NECAB1: variants seen among roughly 807,000 people sequenced by gnomAD.
NECAB1 encodes the protein N-terminal EF-hand calcium binding protein 1, also known as N-terminal EF-hand calcium-binding protein 1.
A neutral mutation model predicts 57.5 loss-of-function variants in NECAB1; 29 were observed. That is an observed-to-expected ratio of 0.50 (90% CI 0.38 to 0.69). The LOEUF (loss-of-function observed/expected upper bound fraction) is 0.69. Ranked by LOEUF, NECAB1 falls within the 30% of genes least tolerant of loss-of-function variation. NECAB1 has a pLI of 0.00. For missense variants in NECAB1, 372 were observed against 413.8 expected, an observed-to-expected ratio of 0.90 and a Z score of 0.88; for synonymous variants, 142 against 147.7, an observed-to-expected ratio of 0.96 and a Z score of 0.28.
intron 4 of NECAB1, 73 bp from the exon 5 acceptor site, chr8:90,880,960 A>T (rs1489047108): frequency 1.9e-6 from 2 of 1,078,392 alleles, no homozygotes; most frequent in African/African-American, 1.6e-5. Flanking sequence ...AGGAGTAAAT[A>T]ATTAGTTGAT....
At chr8:90,923,119 T>A (rs1221912859) in intron 6 of NECAB1, among the ~76,000 whole-genome samples, 1 of 152,178 alleles carries the variant, frequency 6.6e-6, no homozygotes, top group African/African-American at 2.4e-5. Flanking sequence ...AAGACTTGGC[T>A]GTACCATGTG....
chr8:90,805,180 A>T (rs1811827418), intron 2 of NECAB1, among the ~76,000 whole-genome samples: 1 of 152,226 alleles, frequency 6.6e-6, no homozygotes, highest in South Asian at 2.1e-4. Context: ...AGAAGATAAA[A>T]GCATATAAAA....
intron 3 of NECAB1, among the ~76,000 whole-genome samples, chr8:90,862,846 G>T (rs1468958832): frequency 2.5e-5 from 2 of 79,886 alleles, no homozygotes; most frequent in Non-Finnish European, 4.5e-5. Context: ...ACAAAGTTCA[G>T]AATACCAGAA....
chr8:90,798,660 T>C (rs1023401550), intron 1 of NECAB1, among the ~76,000 whole-genome samples: 2 of 152,200 alleles, frequency 1.3e-5, no homozygotes, highest in African/African-American at 4.8e-5. Flanking sequence ...TAGTATTCCA[T>C]GATGTATATG....
intron 5 of NECAB1, among the ~76,000 whole-genome samples, chr8:90,898,595 C>T (rs1372622928): frequency 6.6e-6 from 1 of 152,198 alleles, no homozygotes; most frequent in African/African-American, 2.4e-5. Context: ...CTGTCTTCTT[C>T]TCTTGCCTGG....
chr8:90,876,521 G>A (rs1808729748), intron 4 of NECAB1, among the ~76,000 whole-genome samples: 1 of 152,016 alleles, frequency 6.6e-6, no homozygotes, highest in Non-Finnish European at 1.5e-5. Flanking sequence ...GCAGCTGTGG[G>A]TCCTTTGCTT....
chr8:90,872,896 G>T (rs963326651), intron 4 of NECAB1, among the ~76,000 whole-genome samples: 3 of 152,054 alleles, frequency 2.0e-5, no homozygotes, highest in Non-Finnish European at 4.4e-5. Context: ...AACATTTTTG[G>T]TAGTTAGAGT....
intron 7 of NECAB1, 96 bp downstream of exon 7, chr8:90,925,752 A>G: frequency 6.8e-7 from 1 of 1,479,640 alleles, no homozygotes; most frequent in Non-Finnish European, 9.2e-7. Context: ...GACAATAGTA[A>G]TGGAACACTT....
At chr8:90,877,695 G>A (rs1808753479) in intron 4 of NECAB1, among the ~76,000 whole-genome samples, 1 of 152,200 alleles carries the variant, frequency 6.6e-6, no homozygotes, top group African/African-American at 2.4e-5. Context: ...AGTACTAGAG[G>A]ATTCTGATGC....
intron 5 of NECAB1, among the ~76,000 whole-genome samples, chr8:90,909,740 C>G (rs1417135985): frequency 6.6e-6 from 1 of 151,992 alleles, no homozygotes; most frequent in Non-Finnish European, 1.5e-5. Context: ...AGAATTCTTG[C>G]TTTGTCAGTC....
intron 9 of NECAB1, among the ~76,000 whole-genome samples, chr8:90,934,980 C>T (rs557572439): frequency 1.3e-3 from 193 of 152,146 alleles, no homozygotes; most frequent in Non-Finnish European, 2.3e-3. Flanking sequence ...TTATTATTTA[C>T]TTTATGTTGA....
At chr8:90,923,755 A>G (rs1269138343) in intron 6 of NECAB1, among the ~76,000 whole-genome samples, 1 of 152,236 alleles carries the variant, frequency 6.6e-6, no homozygotes, top group Non-Finnish European at 1.5e-5. Context: ...TATTCAAAGC[A>G]CACAAAAGAG....
intron 9 of NECAB1, among the ~76,000 whole-genome samples, chr8:90,938,643 A>G (rs1022345511): frequency 1.3e-5 from 2 of 152,176 alleles, no homozygotes; most frequent in Non-Finnish European, 2.9e-5. Context: ...GGGCTCTTTA[A>G]ATGGATTTCT....
intron 5 of NECAB1, among the ~76,000 whole-genome samples, chr8:90,908,939 A>G (rs1809759545): frequency 6.6e-6 from 1 of 152,086 alleles, no homozygotes; most frequent in African/African-American, 2.4e-5. Context: ...CTTTTAATTT[A>G]TAGGCTATCT....
intron 5 of NECAB1, among the ~76,000 whole-genome samples, chr8:90,907,122 TTG>T (rs111590584): frequency 0.046 from 5,913 of 129,304 alleles, 197 homozygotes; most frequent in African/African-American, 0.094. Context: ...CCACCCAATT[TTG>T]TGTGTGTGTG....
intron 5 of NECAB1, among the ~76,000 whole-genome samples, chr8:90,907,675 A>T (rs1418104267): frequency 6.6e-6 from 1 of 152,194 alleles, no homozygotes; most frequent in African/African-American, 2.4e-5. Flanking sequence ...TGTATAAAAT[A>T]CCAAAATAGT....
intron 5 of NECAB1, among the ~76,000 whole-genome samples, chr8:90,899,264 A>G (rs1283294608): frequency 1.3e-5 from 2 of 152,164 alleles, no homozygotes; most frequent in Non-Finnish European, 1.5e-5. Flanking sequence ...AGTTAAGCAT[A>G]CTTAAAACAG....
At chr8:90,874,734 C>T (rs564068763) in intron 4 of NECAB1, among the ~76,000 whole-genome samples, 30 of 152,106 alleles carry the variant, frequency 2.0e-4, no homozygotes, top group Admixed American at 5.2e-4. Flanking sequence ...AATTTGAATC[C>T]AACCTTCCAT....
At chr8:90,929,438 GA>G (rs2130186636) in intron 8 of NECAB1, among the ~76,000 whole-genome samples, 1 of 152,270 alleles carries the variant, frequency 6.6e-6, no homozygotes, top group South Asian at 2.1e-4. Flanking sequence ...TCTGAATTTG[GA>G]AAAGTCAGAA....
Sources: gnomAD v4.1 joint callset for allele counts (sites outside exome capture counted in the v4.1 genomes callset) on GRCh38, gnomAD v4.1.1 for gene constraint, MANE v1.5 for transcripts, NCBI Gene and HGNC (gene_info 2026-07-23, HGNC 2026-07-21) for gene names.